The following RPS11 variants were observed in gnomAD, a reference collection of about 807,000 sequenced individuals.
RPS11 encodes ribosomal protein S11, also known as small ribosomal subunit protein uS17.
For synonymous variants in RPS11, 107 were observed against 78.0 expected, an observed-to-expected ratio of 1.37 and a Z score of -1.96; for missense variants, 127 against 211.4, an observed-to-expected ratio of 0.60 and a Z score of 2.48.
At chr19:49,498,220 A>G (rs1221236983) in intron 4 of RPS11, 174 bp downstream of exon 4, 3 of 673,656 alleles carry the variant, frequency 4.5e-6, no homozygotes, top group Non-Finnish European at 7.5e-6. Context: ...AGCGTTCTAC[A>G]GGGTGAATAT....
intron 4 of RPS11, 66 bp from the exon 5 acceptor site, chr19:49,499,446 G>C (rs2079923675): frequency 3.2e-6 from 5 of 1,561,686 alleles, no homozygotes; most frequent in South Asian, 1.1e-5. Context: ...GTGAAGGGGA[G>C]GGAGGGCCTC....
At chr19:49,497,350 AGG>A in intron 2 of RPS11, 25 bp downstream of exon 2, 1 of 1,613,626 alleles carries the variant, frequency 6.2e-7, no homozygotes, top group South Asian at 1.1e-5. Flanking sequence ...AGAAGAAAGA[AGG>A]GGAACCTGGC....
rs777453499 is a variant in RPS11 at position 49,499,480 on chromosome 19, T to C, written c.354-32T>C. 5 of 1,605,624 alleles carry C rather than the reference T, an allele frequency of 3.1e-6. No individual in the cohort carries two copies. In the Admixed American group the frequency reaches 8.4e-5, roughly 27 times the overall value. On this transcript the variant is annotated intron_variant, in intron 4 of 4. Coordinates refer to ENST00000270625, the MANE Select transcript of RPS11 (RefSeq NM_001015.5). ...TCCTGGGGTCTGCTGGGGTGGCCCC[T>C]CCTGAGGACATGGCCCTACCTGCCT...
intron 3 of RPS11, 144 bp from the exon 4 acceptor site, chr19:49,497,773 T>G: frequency 1.6e-6 from 2 of 1,278,226 alleles, no homozygotes; most frequent in Non-Finnish European, 2.3e-6. Flanking sequence ...TGGGCACTGC[T>G]GAGAAAGCCA....
chr19:49,497,336 C>G lies in RPS11; in HGVS notation c.147+11C>G. On this transcript the variant is annotated intron_variant, in intron 2 of 4. Coordinates refer to ENST00000270625, the MANE Select transcript of RPS11 (RefSeq NM_001015.5). ...AAGACACCCAAGGAGGTGCGGGGAA[C>G]CTCAGAAGAAAGAAGGGGAACCTGG... The G allele has an allele frequency of 6.2e-7, 1 of 1,613,934 alleles. No individual in the cohort carries two copies. Among genetic ancestry groups the G allele is most frequent in the South Asian group, 1.1e-5 (1 of 91,076 alleles).
At chr19:49,498,337 T>C (rs566323512) in intron 4 of RPS11, 5 of 424,200 alleles carry the variant, frequency 1.2e-5, no homozygotes, top group Non-Finnish European at 2.2e-5. Context: ...TTGTTTCATA[T>C]ACACCTTATT....
At chr19:49,497,465 C>G (rs2079912373) in intron 2 of RPS11, 55 bp from the exon 3 acceptor site, 2 of 1,603,882 alleles carry the variant, frequency 1.2e-6, no homozygotes, top group Admixed American at 3.3e-5. Flanking sequence ...GCCCCTGGCT[C>G]TTTTAAGGAA....
In RPS11 at chr19:49,497,329, C is replaced by G. The variant is rs771095537; in HGVS notation, c.147+4C>G. On this transcript the variant is annotated splice_donor_region_variant and intron_variant, in intron 2 of 4. Transcript: ENST00000270625. ...GGGCTTCAAGACACCCAAGGAGGTG[C>G]GGGGAACCTCAGAAGAAAGAAGGGG... The G allele has an allele frequency of 6.2e-7, 1 of 1,613,938 alleles. No individual in the cohort carries two copies. Among genetic ancestry groups the G allele is most frequent in the Non-Finnish European group, 8.5e-7 (1 of 1,179,942 alleles).
rs759595807 is a variant in RPS11, at chr19:49,497,903, G to GC, written c.224-9dup. ...TCCCATGGGACCTGACCTATGATCG[G>GC]CCCCCGCTCCTAGGCGTGGTGACCA... On this transcript the variant is annotated splice_polypyrimidine_tract_variant and intron_variant, in intron 3 of 4. Transcript: ENST00000270625. The GC allele has an allele frequency of 1.8e-5, 29 of 1,614,022 alleles. No individual in the cohort carries two copies. The highest frequency in any genetic ancestry group is 2.3e-5 in the Non-Finnish European group (27 of 1,179,998).
At position 49,498,698 on chromosome 19, in the gene RPS11, C is replaced by G. The variant is rs576078678; in HGVS notation, c.353+652C>G. Among the ~76,000 whole-genome samples the G allele has an allele frequency of 2.0e-5, 3 of 152,212 alleles. No individual in the cohort carries two copies. In the East Asian group the frequency reaches 5.8e-4, roughly 29 times the overall value. ...CCAGAAAGTGGAGGCTGCAGTGAGC[C>G]GAGATGGCAGCACTGCTCTCCGGCC... is the stretch of plus-strand genomic sequence containing the variant. On this transcript the variant is annotated intron_variant, in intron 4 of 4. Coordinates refer to ENST00000270625, the MANE Select transcript of RPS11 (RefSeq NM_001015.5).
At chr19:49,496,644 T>C (rs2122636469) in intron 1 of RPS11, 173 bp downstream of exon 1, 1 of 673,140 alleles carries the variant, frequency 1.5e-6, no homozygotes, top group Non-Finnish European at 2.4e-6. Context: ...AGATGAGTGC[T>C]TCCTAATTCC....
chr19:49,497,440 C>A, intron 2 of RPS11, 80 bp from the exon 3 acceptor site: 1 of 1,590,518 alleles, frequency 6.3e-7, no homozygotes, highest in Non-Finnish European at 8.6e-7. Flanking sequence ...ATTGTAGTTG[C>A]TTCCCTGAGG....
At chr19:49,497,110 G>C in intron 1 of RPS11, 84 bp from the exon 2 acceptor site, 1 of 1,516,922 alleles carries the variant, frequency 6.6e-7, no homozygotes, top group Non-Finnish European at 9.0e-7. Flanking sequence ...ATGGGGTCTG[G>C]GAGGTTCTGG....
At chr19:49,496,673 A>G (rs1048240715) in intron 1 of RPS11, among the ~76,000 whole-genome samples, 12 of 152,142 alleles carry the variant, frequency 7.9e-5, no homozygotes, top group African/African-American at 2.9e-4. Context: ...CCTGGCGTTA[A>G]TGGAGGCTCA....
intron 4 of RPS11, 161 bp downstream of exon 4, chr19:49,498,207 C>A: frequency 1.3e-6 from 1 of 753,642 alleles, no homozygotes; most frequent in Non-Finnish European, 2.2e-6. Context: ...TCTTCAGAAT[C>A]AAAGCGTTCT....
chr19:49,496,446 C>G lies in RPS11; in HGVS notation c.-11C>G. 6.2e-7 allele frequency: 1 copy of G among 1,611,924 alleles called. No homozygotes were observed. The highest frequency in any genetic ancestry group is 8.5e-7 in the Non-Finnish European group (1 of 1,179,130). On this transcript the variant is annotated 5_prime_UTR_variant, in exon 1 of 5. Coordinates refer to ENST00000270625, the MANE Select transcript of RPS11 (RefSeq NM_001015.5). Reference sequence around the variant, plus strand: ...CTGCTGCCCCTTTCTTTTTTTCAGGCGGCCGGGAAGATGGCGGACATTCAG... The same window carrying G: ...CTGCTGCCCCTTTCTTTTTTTCAGGGGGCCGGGAAGATGGCGGACATTCAG...
rs754367476 is a variant in RPS11 at position 49,497,503 on chromosome 19, C to T, written c.148-17C>T. The T allele has an allele frequency of 6.2e-7, 1 of 1,612,880 alleles. No homozygotes were observed. The highest frequency in any genetic ancestry group is 8.5e-7 in the Non-Finnish European group (1 of 1,178,936). On this transcript the variant is annotated splice_polypyrimidine_tract_variant and intron_variant, in intron 2 of 4. Coordinates refer to ENST00000270625, the MANE Select transcript of RPS11 (RefSeq NM_001015.5). ...GCCCGCCCAAGGCTCACTCCTTTAT[C>T]TTTCCTATCCTTTCAGGCTATTGAG...
In RPS11 at chr19:49,497,319, C is replaced by T; in HGVS notation, c.141C>T (p.Pro47=). 6.2e-7 allele frequency: 1 copy of T among 1,614,102 alleles called. No individual in the cohort carries two copies. Among genetic ancestry groups the T allele is most frequent in the Non-Finnish European group, 8.5e-7 (1 of 1,180,010 alleles). Residue 47 remains proline, a synonymous_variant, in exon 2 of 5, where the codon CCC becomes CCT. Transcript: ENST00000270625. Reference sequence around the variant, plus strand: ...ACATCGGTCTGGGCTTCAAGACACCCAAGGAGGTGCGGGGAACCTCAGAAG... The same window carrying T: ...ACATCGGTCTGGGCTTCAAGACACCTAAGGAGGTGCGGGGAACCTCAGAAG... ...YKNIGLGFKT[P]KEAIEGTYID... is the part of the protein sequence containing the mutation.
intron 4 of RPS11, among the ~76,000 whole-genome samples, chr19:49,498,679 A>G (rs1195471511): frequency 2.0e-5 from 3 of 152,092 alleles, no homozygotes; most frequent in African/African-American, 7.2e-5. Context: ...GAGCCCAGAA[A>G]GTGGAGGCTG....
Sources: allele counts gnomAD v4.1 joint callset (sites outside exome capture counted in the v4.1 genomes callset), GRCh38; gene constraint gnomAD v4.1.1; transcripts MANE v1.5; gene names NCBI Gene and HGNC (gene_info 2026-07-23, HGNC 2026-07-21).